The following INSIG1 variants were observed in gnomAD, a reference collection of about 807,000 sequenced individuals.
INSIG1 encodes insulin-induced gene 1 protein.
Under a neutral mutation model 26.5 loss-of-function variants are expected in INSIG1, and 14 were observed. The ratio of observed to expected loss-of-function variants is 0.53; its 90% CI spans 0.35 to 0.83. INSIG1 has a LOEUF of 0.83. Ranked by LOEUF, INSIG1 falls within the 40% of genes least tolerant of loss-of-function variation. INSIG1 has a pLI of 0.01. For missense variants in INSIG1, 272 were observed against 368.9 expected, an observed-to-expected ratio of 0.74 and a Z score of 2.15; for synonymous variants, 147 against 153.3, an observed-to-expected ratio of 0.96 and a Z score of 0.30.
At chr7:155,307,457 T>C (rs1157370541) in intron 5 of INSIG1, among the ~76,000 whole-genome samples, 1 of 152,244 alleles carries the variant, frequency 6.6e-6, no homozygotes, top group African/African-American at 2.4e-5. Flanking sequence ...CTTTTGCCCT[T>C]TAGCAGAAGC....
chr7:155,300,983 T>C (rs921601083), intron 2 of INSIG1, among the ~76,000 whole-genome samples: 1 of 152,196 alleles, frequency 6.6e-6, no homozygotes, highest in Admixed American at 6.5e-5. Flanking sequence ...AGGTGCTCAG[T>C]GCCTCGTACA....
At position 155,304,671 on chromosome 7, in the gene INSIG1, T is replaced by C. The variant is rs546691632; in HGVS notation, c.804+1825T>C. On this transcript the variant is annotated intron_variant, in intron 5 of 5. Coordinates refer to ENST00000340368, the MANE Select transcript of INSIG1 (RefSeq NM_005542.6). ...GGAGGAAACATTTTCGTTTTGAAGATAGTTTCATTAAGTAATCCCTGCTGT... is the reference window on the plus strand; with the variant it reads ...GGAGGAAACATTTTCGTTTTGAAGACAGTTTCATTAAGTAATCCCTGCTGT... 2.0e-4 allele frequency among the ~76,000 whole-genome samples: 30 copies of C among 152,342 alleles called. 1 individual carries two copies. In the South Asian group the frequency reaches 6.2e-3, roughly 32 times the overall value.
chr7:155,297,985 C>T (rs1051031986), intron 1 of INSIG1, 26 bp downstream of exon 1: 33 of 271,270 alleles, frequency 1.2e-4, no homozygotes, highest in Non-Finnish European at 2.1e-4. Context: ...GGATAGGGGT[C>T]GCGGGCGGGC....
At position 155,302,645 on chromosome 7, in the gene INSIG1, G is replaced by T; in HGVS notation, c.705-102G>T. 1 of 925,318 alleles carries T rather than the reference G, an allele frequency of 1.1e-6. No individual in the cohort carries two copies. The highest frequency in any genetic ancestry group is 1.5e-5 in the South Asian group (1 of 65,284). 57.3% of individuals were successfully genotyped at this position (925,318 alleles called of 1,614,324 possible). On this transcript the variant is annotated intron_variant, in intron 4 of 5. Transcript: ENST00000340368. The surrounding 1 kb of genome is among the most constrained non-coding windows in gnomAD (Gnocchi z 4.3). ...AATATGAACATTCGTAACATTGGAT[G>T]GTTGATATGCGTTCTGCATATCCCC...
Position 155,298,296 on chromosome 7 carries a change from T to A in INSIG1, c.11T>A (p.Leu4Ter), listed in dbSNP as rs1161259141. MPR[L>*]HDHFWSCSCA... is the part of the protein sequence containing the mutation. ...GGACGCGTGTGACCGATGCCCAGAT[T>A]GCACGACCACTTCTGGAGCTGCTCC... The change falls in exon 2 of 6, where the codon TTG (leucine) becomes TAG (stop). Residue 4 changes from leucine to a stop codon, truncating the protein, a stop_gained. Coordinates refer to ENST00000340368, the MANE Select transcript of INSIG1 (RefSeq NM_005542.6). LOFTEE classifies it high-confidence loss of function. 6.7e-7 allele frequency: 1 copy of A among 1,488,730 alleles called. No individual in the cohort carries two copies. The highest frequency in any genetic ancestry group is 8.9e-7 in the Non-Finnish European group (1 of 1,125,382). The allele number at this position is 1,488,730 out of a possible 1,614,324, so 92.2% of individuals were successfully genotyped here.
At position 155,302,196 on chromosome 7, in the gene INSIG1, GTTTT is replaced by G; in HGVS notation, c.538-51_538-48del. 7.0e-7 allele frequency: 1 copy of G among 1,424,594 alleles called. No individual in the cohort carries two copies. Among genetic ancestry groups the G allele is most frequent in the Middle Eastern group, 1.8e-4 (1 of 5,496 alleles). The allele number at this position is 1,424,594 out of a possible 1,614,324, so 88.2% of individuals were successfully genotyped here. ...ATGTTTTTAACCCTTGTGGTTTTAC[GTTTT>G]TTTATCTTAATAAGAGTCAGCAAAC... is the stretch of plus-strand genomic sequence containing the variant. On this transcript the variant is annotated intron_variant, in intron 3 of 5. Coordinates refer to ENST00000340368, the MANE Select transcript of INSIG1 (RefSeq NM_005542.6). The surrounding 1 kb of genome is among the most constrained non-coding windows in gnomAD (Gnocchi z 4.3).
At chr7:155,298,201 CG>C in intron 1 of INSIG1, 57 bp from the exon 2 acceptor site, 1 of 1,315,198 alleles carries the variant, frequency 7.6e-7, no homozygotes. Context: ...TCGCGTCCCG[CG>C]GGGCCTTCCT....
In INSIG1 at chr7:155,302,121, C is replaced by A; in HGVS notation, c.538-130C>A. 1.6e-6 allele frequency: 1 copy of A among 641,674 alleles called. No homozygotes were observed. 39.7% of individuals were successfully genotyped at this position (641,674 alleles called of 1,614,324 possible). A position where few individuals can be genotyped will look rare whatever the true frequency, so the allele number is the denominator to read the frequency against. The stretch of plus-strand genomic sequence containing the variant: ...AACAAATCCTTTCTTTAGCTTATTA[C>A]ACAGTTTTTATGGACAGTGAATTAT... On this transcript the variant is annotated intron_variant, in intron 3 of 5. Coordinates refer to ENST00000340368, the MANE Select transcript of INSIG1 (RefSeq NM_005542.6). The surrounding 1 kb of genome is among the most constrained non-coding windows in gnomAD (Gnocchi z 4.3).
chr7:155,298,154 G>T (rs1797671593), intron 1 of INSIG1, 105 bp from the exon 2 acceptor site: 2 of 1,001,424 alleles, frequency 2.0e-6, no homozygotes, highest in African/African-American at 1.7e-5. Context: ...GTCTAACCTT[G>T]GGGGGCGGCG....
chr7:155,303,165 T>C, intron 5 of INSIG1: 1 of 250,334 alleles, frequency 4.0e-6, no homozygotes, highest in Admixed American at 4.8e-5. Flanking sequence ...TGTGTGAGTG[T>C]CCCCTCCTCC....
Position 155,308,708 on chromosome 7 carries a change from C to A in INSIG1, c.*438C>A. On this transcript the variant is annotated 3_prime_UTR_variant, in exon 6 of 6. Coordinates refer to ENST00000340368, the MANE Select transcript of INSIG1 (RefSeq NM_005542.6). ...ATGGTGTAATAGGAATAATATTTAT[C>A]CAAAAGATTTTTAAAAATAGGGCTG... 6.4e-6 allele frequency: 1 copy of A among 156,252 alleles called. No homozygotes were observed. The highest frequency in any genetic ancestry group is 1.4e-5 in the Non-Finnish European group (1 of 70,506). The allele number at this position is 156,252 out of a possible 1,614,324, so 9.7% of individuals were successfully genotyped here.
chr7:155,303,271 G>A (rs990932659), intron 5 of INSIG1, among the ~76,000 whole-genome samples: 20 of 152,210 alleles, frequency 1.3e-4, no homozygotes, highest in African/African-American at 4.8e-4. Flanking sequence ...AATCAGAGTG[G>A]ATGCAGATGA....
chr7:155,300,934 G>A (rs1797766828), intron 2 of INSIG1, among the ~76,000 whole-genome samples: 1 of 152,234 alleles, frequency 6.6e-6, no homozygotes, highest in African/African-American at 2.4e-5. Context: ...GTGTGGGGCT[G>A]TCTCGCCCCG....
chr7:155,305,407 C>T (rs912667635), intron 5 of INSIG1, among the ~76,000 whole-genome samples: 2 of 152,146 alleles, frequency 1.3e-5, no homozygotes, highest in Non-Finnish European at 2.9e-5. Flanking sequence ...CTGCTGCATC[C>T]GTTCCTCAGG....
chr7:155,303,334 T>C (rs1212269161), intron 5 of INSIG1, among the ~76,000 whole-genome samples: 1 of 152,242 alleles, frequency 6.6e-6, no homozygotes, highest in Admixed American at 6.5e-5. Context: ...CTGCAGAGTC[T>C]GTCTCGGGCC....
chr7:155,297,978 T>G lies in INSIG1; in HGVS notation c.-28+19T>G. On this transcript the variant is annotated intron_variant, in intron 1 of 5. Coordinates refer to ENST00000340368, the MANE Select transcript of INSIG1 (RefSeq NM_005542.6). ...CGGCCAGGTACGCGGCCGGCTGGGA[T>G]AGGGGTCGCGGGCGGGCTTTGGTCG... 7.0e-5 allele frequency: 17 copies of G among 241,294 alleles called. No homozygotes were observed. The highest frequency in any genetic ancestry group is 1.2e-3 in the Middle Eastern group (1 of 848). The allele number at this position is 241,294 out of a possible 1,614,324, so 14.9% of individuals were successfully genotyped here.
In INSIG1 at chr7:155,308,354, C is replaced by T; in HGVS notation, c.*84C>T. 6.7e-7 allele frequency: 1 copy of T among 1,495,450 alleles called. No homozygotes were observed. The highest frequency in any genetic ancestry group is 2.3e-5 in the East Asian group (1 of 44,314). The allele number at this position is 1,495,450 out of a possible 1,614,324, so 92.6% of individuals were successfully genotyped here. A position where few individuals can be genotyped will look rare whatever the true frequency, so the allele number is the denominator to read the frequency against. ...GATTATGACAAAGATTATCTTTTTT[C>T]TTAAGTAATCTATTTAGATCGGGCT... is the stretch of plus-strand genomic sequence containing the variant. On this transcript the variant is annotated 3_prime_UTR_variant, in exon 6 of 6. Coordinates refer to ENST00000340368, the MANE Select transcript of INSIG1 (RefSeq NM_005542.6).
intron 2 of INSIG1, among the ~76,000 whole-genome samples, chr7:155,300,652 C>T (rs1797758881): frequency 6.6e-6 from 1 of 152,220 alleles, no homozygotes; most frequent in Admixed American, 6.5e-5. Flanking sequence ...TGCCATTTTA[C>T]TTCTCTTTTG....
In INSIG1 at chr7:155,310,045, T is replaced by C. The variant is rs988533795; in HGVS notation, c.*1775T>C. On this transcript the variant is annotated 3_prime_UTR_variant, in exon 6 of 6. Transcript: ENST00000340368. ...AGCCAAAAGAATGTAAATTTGAGGA[T>C]TTTTTTGCCAATAGTTTATAGAAAA... The C allele has an allele frequency of 2.0e-5, 3 of 152,448 alleles. No individual in the cohort carries two copies. The highest frequency in any genetic ancestry group is 2.9e-5 in the Non-Finnish European group (2 of 67,972). The allele number at this position is 152,448 out of a possible 1,614,324, so 9.4% of individuals were successfully genotyped here. A position where few individuals can be genotyped will look rare whatever the true frequency, so the allele number is the denominator to read the frequency against.
Sources: allele counts gnomAD v4.1 joint callset (sites outside exome capture counted in the v4.1 genomes callset), GRCh38; gene constraint gnomAD v4.1.1; non-coding constraint Gnocchi (gnomAD v3.1); transcripts MANE v1.5; gene names NCBI Gene and HGNC (gene_info 2026-07-23, HGNC 2026-07-21).